The following NT5DC3 variants were observed in gnomAD, a reference collection of about 807,000 sequenced individuals.
The protein encoded by NT5DC3 is 5'-nucleotidase domain-containing protein 3.
A neutral mutation model predicts 67.8 loss-of-function variants in NT5DC3; 42 were observed. The ratio of observed to expected loss-of-function variants is 0.62; its 90% CI spans 0.48 to 0.80. The LOEUF is 0.80. Ranked by LOEUF, NT5DC3 falls within the 30% of genes least tolerant of loss-of-function variation. The probability of loss-of-function intolerance (pLI) is 0.00; values close to 1 mark genes in which losing one functional copy is unlikely to be tolerated. For missense variants in NT5DC3, 570 were observed against 696.4 expected (o/e 0.82, Z 2.04); for synonymous variants, 237 against 255.6 (o/e 0.93, Z 0.69).
chr12:103,785,576 G>T, intron 11 of NT5DC3, 101 bp from the exon 12 acceptor site: 1 of 1,167,564 alleles, frequency 8.6e-7, no homozygotes, highest in Non-Finnish European at 1.3e-6. Context: ...ATTACTTTTT[G>T]ATGGTAATGG....
the NT5DC3 span, among the ~76,000 whole-genome samples, chr12:103,757,004 T>A: frequency 0.07 from 1,085 of 15,466 alleles, 27 homozygotes; most frequent in African/African-American, 0.3. Flanking sequence ...AAAATATATA[T>A]ATATATATAT....
chr12:103,795,990 G>C (rs77701168), intron 6 of NT5DC3, among the ~76,000 whole-genome samples: 2 of 152,194 alleles, frequency 1.3e-5, no homozygotes, highest in Non-Finnish European at 2.9e-5. Context: ...TTCACTTAAA[G>C]TCACGGATGC....
chr12:103,788,723 G>A, intron 10 of NT5DC3, 115 bp downstream of exon 10: 1 of 735,592 alleles, frequency 1.4e-6, no homozygotes, highest in Non-Finnish European at 2.5e-6. Context: ...ATCAGTTCAT[G>A]GGAATCACTC....
At position 103,831,770 on chromosome 12, in the gene NT5DC3, CTTTTTTT is replaced by C. The variant is rs568035358; in HGVS notation, c.208+9172_208+9178del. ...GTCATCATTCGGGTTTCAGCATCCT[CTTTTTTT>C]TTTTTTTTTTTTTTTTGAGACAGAA... On this transcript the variant is annotated intron_variant, in intron 1 of 13. Coordinates refer to ENST00000392876, the MANE Select transcript of NT5DC3 (RefSeq NM_001031701.3). 5.5e-5 allele frequency among the ~76,000 whole-genome samples: 6 copies of C among 109,650 alleles called. No individual in the cohort carries two copies. The East Asian group carries it at 1.4e-3, about 25-fold the overall frequency. The allele number at this position is 109,650 out of a possible 152,430, so 71.9% of individuals were successfully genotyped here.
the NT5DC3 span, chr12:103,762,307 T>C: frequency 5.6e-6 from 9 of 1,614,236 alleles, no homozygotes; most frequent in Non-Finnish European, 7.6e-6. Flanking sequence ...AGCAGGGATC[T>C]TCTTTGCCAT....
At chr12:103,759,445 G>A in the NT5DC3 span, among the ~76,000 whole-genome samples, 1 of 152,226 alleles carries the variant, frequency 6.6e-6, no homozygotes, top group African/African-American at 2.4e-5. Flanking sequence ...CAATTGGGCA[G>A]CCCCTACCCC....
chr12:103,807,419 G>C (rs1399487769), intron 2 of NT5DC3, among the ~76,000 whole-genome samples: 1 of 152,204 alleles, frequency 6.6e-6, no homozygotes, highest in Non-Finnish European at 1.5e-5. Context: ...TGATGTGGCA[G>C]GCCCCTGGAC....
chr12:103,793,474 A>G lies in NT5DC3; in HGVS notation c.853T>C (p.Leu285=). 6.2e-7 allele frequency: 1 copy of G among 1,614,218 alleles called. No individual in the cohort carries two copies. Among genetic ancestry groups the G allele is most frequent in the Non-Finnish European group, 8.5e-7 (1 of 1,180,024 alleles). Residue 285 remains leucine, a synonymous_variant, in exon 8 of 14, where the codon TTG becomes CTG. Coordinates refer to ENST00000392876, the MANE Select transcript of NT5DC3 (RefSeq NM_001031701.3). Reference sequence around the variant, plus strand: ...TTGCCATGATCAGCCAGTTTGGCCAACACTGCGCGGGTCTGCTCAGCATAG... The same window carrying G: ...TTGCCATGATCAGCCAGTTTGGCCAGCACTGCGCGGGTCTGCTCAGCATAG... The part of the protein sequence containing the change: ...ICYAEQTRAV[L]AKLADHGKKM...
chr12:103,779,598 T>C (rs1272854367), intron 13 of NT5DC3, among the ~76,000 whole-genome samples: 1 of 152,078 alleles, frequency 6.6e-6, no homozygotes, highest in Non-Finnish European at 1.5e-5. Flanking sequence ...CACCACCACA[T>C]GAACCCTGGA....
chr12:103,799,813 A>AAATAAAAAAAT lies in NT5DC3; in HGVS notation c.525-1137_525-1136insATTTTTTTATT, dbSNP rs1886488439. Among the ~76,000 whole-genome samples the AAATAAAAAAAT allele has an allele frequency of 2.0e-5, 3 of 152,108 alleles. No individual in the cohort carries two copies. In the South Asian group the frequency reaches 6.2e-4, roughly 32 times the overall value. ...CACCTCCTCCACATACCAAAAAAAA[A>AAATAAAAAAAT]AAAAGATTTGTGAAGTCAGTGGCCA... On this transcript the variant is annotated intron_variant, in intron 4 of 13. Transcript: ENST00000392876.
At position 103,773,877 on chromosome 12, in the gene NT5DC3, A is replaced by T. The variant is rs564509071; in HGVS notation, c.*3952T>A. On this transcript the variant is annotated 3_prime_UTR_variant, in exon 14 of 14. Transcript: ENST00000392876. ...CTCCTTTGCAATAATTAAGAGTGCCAATGCATTCAAAGCAACTAGTAATTG... is the reference window on the plus strand; with the variant it reads ...CTCCTTTGCAATAATTAAGAGTGCCTATGCATTCAAAGCAACTAGTAATTG... The T allele has an allele frequency of 3.3e-5, 5 of 152,818 alleles. No homozygotes were observed. In the East Asian group the frequency reaches 7.7e-4, roughly 24 times the overall value. 9.5% of individuals were successfully genotyped at this position (152,818 alleles called of 1,614,324 possible). A position where few individuals can be genotyped will look rare whatever the true frequency, so the allele number is the denominator to read the frequency against.
chr12:103,805,845 C>CAAAAAA (rs34163004), intron 4 of NT5DC3, among the ~76,000 whole-genome samples: 2 of 48,768 alleles, frequency 4.1e-5, no homozygotes, highest in African/African-American at 9.2e-5. Context: ...GACTCCACCT[C>CAAAAAA]AAAAAAAAAA....
At chr12:103,817,311 T>G (rs764017398) in intron 1 of NT5DC3, among the ~76,000 whole-genome samples, 38 of 152,218 alleles carry the variant, frequency 2.5e-4, no homozygotes, top group Non-Finnish European at 5.6e-4. Flanking sequence ...ATCATCCAAT[T>G]TTTTATGACA....
At chr12:103,814,205 T>C (rs1887152245) in intron 2 of NT5DC3, among the ~76,000 whole-genome samples, 2 of 152,152 alleles carry the variant, frequency 1.3e-5, no homozygotes, top group African/African-American at 2.4e-5. Context: ...TTAAGAAACA[T>C]GTGAAGCAAT....
chr12:103,757,786 G>A, the NT5DC3 span: 1 of 233,134 alleles, frequency 4.3e-6, no homozygotes, highest in South Asian at 7.0e-5. Flanking sequence ...TAGGCCTGGG[G>A]TCAGAGATGC....
In NT5DC3 at chr12:103,778,596, G is replaced by A. The variant is rs778652552; in HGVS notation, c.1395-515C>T. ...TGGGCATGGCAGGTGGATCACTTGCGCCCTGGCCCACCAGCATGGGCAACA... is the reference window on the plus strand; with the variant it reads ...TGGGCATGGCAGGTGGATCACTTGCACCCTGGCCCACCAGCATGGGCAACA... On this transcript the variant is annotated intron_variant, in intron 13 of 13. Coordinates refer to ENST00000392876, the MANE Select transcript of NT5DC3 (RefSeq NM_001031701.3). Among the ~76,000 whole-genome samples the A allele has an allele frequency of 3.8e-4, 57 of 151,496 alleles. 1 individual carries two copies. Among genetic ancestry groups the A allele is most frequent in the Non-Finnish European group, 6.6e-4 (45 of 67,954 alleles).
intron 1 of NT5DC3, among the ~76,000 whole-genome samples, chr12:103,837,302 C>T (rs1011934737): frequency 3.9e-5 from 6 of 152,206 alleles, no homozygotes; most frequent in African/African-American, 7.2e-5. Context: ...GGCCTCCAAG[C>T]ATGTAATGGG....
At chr12:103,760,837 T>C in the NT5DC3 span, among the ~76,000 whole-genome samples, 1 of 152,184 alleles carries the variant, frequency 6.6e-6, no homozygotes, top group Non-Finnish European at 1.5e-5. Flanking sequence ...CTGCTGGAGA[T>C]TTGTTAAAAT....
intron 4 of NT5DC3, among the ~76,000 whole-genome samples, chr12:103,805,532 G>A (rs1251153098): frequency 6.6e-6 from 1 of 151,950 alleles, no homozygotes; most frequent in Non-Finnish European, 1.5e-5. Context: ...ATAAAAAAAG[G>A]CCAAGTTCTC....
Sources: gnomAD v4.1 joint callset for allele counts (sites outside exome capture counted in the v4.1 genomes callset) on GRCh38, gnomAD v4.1.1 for gene constraint, MANE v1.5 for transcripts, NCBI Gene and HGNC (gene_info 2026-07-23, HGNC 2026-07-21) for gene names.